The following USP34 variants were observed in gnomAD, a reference collection of about 807,000 sequenced individuals.
The protein encoded by USP34 is ubiquitin specific peptidase 34, also known as ubiquitin carboxyl-terminal hydrolase 34.
A neutral mutation model predicts 460.3 loss-of-function variants in USP34; 70 were observed. The ratio of observed to expected loss-of-function variants is 0.15; its 90% CI spans 0.13 to 0.19. The LOEUF (loss-of-function observed/expected upper bound fraction) is 0.19. Ranked by LOEUF, USP34 falls within the 10% of genes least tolerant of loss-of-function variation. The pLI, the probability that USP34 is intolerant of heterozygous loss-of-function variation, is 1.00. For synonymous variants in USP34, 1,647 were observed against 1,405.3 expected (o/e 1.17, Z -3.85); for missense variants, 3,985 against 4,236.2 (o/e 0.94, Z 1.65).
chr2:61,422,845 A>G (rs770435406), intron 1 of USP34, among the ~76,000 whole-genome samples: 6 of 152,114 alleles, frequency 3.9e-5, no homozygotes, highest in Non-Finnish European at 8.8e-5. Flanking sequence ...CGAAAAATAT[A>G]AACAATTAGC....
intron 21 of USP34, among the ~76,000 whole-genome samples, chr2:61,321,916 A>G (rs1310370602): frequency 1.3e-5 from 2 of 152,192 alleles, no homozygotes; most frequent in Non-Finnish European, 2.9e-5. Context: ...TAAATAAGTA[A>G]GCATTATTTT....
At chr2:61,442,249 A>G (rs1573045991) in intron 1 of USP34, among the ~76,000 whole-genome samples, 1 of 152,288 alleles carries the variant, frequency 6.6e-6, no homozygotes, top group Non-Finnish European at 1.5e-5. Context: ...ACAAACAACA[A>G]ATGGAATTAT....
At chr2:61,332,473 A>G (rs1218156857) in intron 19 of USP34, among the ~76,000 whole-genome samples, 1 of 152,008 alleles carries the variant, frequency 6.6e-6, no homozygotes, top group Non-Finnish European at 1.5e-5. Context: ...TCAACTCAAT[A>G]TATTTAGGTT....
chr2:61,386,657 G>A (rs1346148623), intron 5 of USP34, among the ~76,000 whole-genome samples: 1 of 152,064 alleles, frequency 6.6e-6, no homozygotes. Flanking sequence ...GGGCGTGGTG[G>A]CAAGTGCCTG....
At chr2:61,280,453 A>G (rs544226964) in intron 38 of USP34, 105 bp from the exon 39 acceptor site, 29 of 495,874 alleles carry the variant, frequency 5.8e-5, no homozygotes, top group African/African-American at 4.8e-4. Context: ...TATATCCACT[A>G]AACAGTATTC....
intron 2 of USP34, among the ~76,000 whole-genome samples, chr2:61,415,555 G>C (rs1262383367): frequency 1.3e-5 from 2 of 152,184 alleles, no homozygotes; most frequent in African/African-American, 4.8e-5. Flanking sequence ...AAAATTGATA[G>C]ATGAAGCAAC....
intron 1 of USP34, among the ~76,000 whole-genome samples, chr2:61,441,802 C>CAAAAAAAAAAAAAAAA (rs70963429): frequency 3.1e-5 from 3 of 97,332 alleles, no homozygotes; most frequent in African/African-American, 7.8e-5. Flanking sequence ...GACTGCATTA[C>CAAAAAAAAAAAAAAAA]AAAAAAAAAA....
rs750270096 is a variant in USP34, at chr2:61,227,160, A to G, written c.7502T>C (p.Ile2501Thr). ...GTATTTTTCTTCTGCCAGAGAGAGG[A>G]TATCTTCTTCCTCCTCTTCTTCTTC... The part of the protein sequence containing the change: ...EGEEEEEEED[I>T]LSLAEEKYRP... Residue 2501 changes from isoleucine (I) to threonine (T), a missense_variant, in exon 62 of 80, where the codon ATC becomes ACC. Around this residue, in one of 14 missense-constraint regions of USP34, gnomAD observed 604 missense variants for 684.8 expected, o/e 0.88. Coordinates refer to ENST00000398571, the MANE Select transcript of USP34 (RefSeq NM_014709.4). 1.7e-5 allele frequency: 27 copies of G among 1,613,922 alleles called. No homozygotes were observed. The highest frequency in any genetic ancestry group is 3.3e-5 in the South Asian group (3 of 91,054).
intron 20 of USP34, among the ~76,000 whole-genome samples, chr2:61,327,666 G>T (rs980024507): frequency 3.3e-5 from 5 of 152,134 alleles, no homozygotes; most frequent in African/African-American, 1.2e-4. Flanking sequence ...TAATAACCCT[G>T]AAGGCATGGG....
At chr2:61,281,626 A>G in intron 37 of USP34, among the ~76,000 whole-genome samples, 1 of 152,332 alleles carries the variant, frequency 6.6e-6, no homozygotes, top group East Asian at 1.9e-4. Flanking sequence ...ATTAATAAAT[A>G]TAATGTTCTA....
intron 57 of USP34, among the ~76,000 whole-genome samples, chr2:61,233,884 T>C (rs923855804): frequency 1.3e-5 from 2 of 151,940 alleles, no homozygotes; most frequent in Non-Finnish European, 2.9e-5. Context: ...AAGTCACTTC[T>C]AATATTACTG....
intron 1 of USP34, among the ~76,000 whole-genome samples, chr2:61,427,886 G>C (rs1694557176): frequency 6.6e-6 from 1 of 152,110 alleles, no homozygotes; most frequent in African/African-American, 2.4e-5. Flanking sequence ...TTGGTGGCCA[G>C]GCACAGTGGC....
At chr2:61,225,510 A>G (rs1687701596) in intron 62 of USP34, among the ~76,000 whole-genome samples, 1 of 152,048 alleles carries the variant, frequency 6.6e-6, no homozygotes. Flanking sequence ...ATATGATACC[A>G]AAGTTAAATT....
intron 48 of USP34, among the ~76,000 whole-genome samples, chr2:61,249,103 G>A (rs1395221179): frequency 6.6e-6 from 1 of 151,954 alleles, no homozygotes; most frequent in African/African-American, 2.4e-5. Context: ...TAATAAAATA[G>A]AACAATTCTA....
chr2:61,228,609 C>G, intron 61 of USP34, 36 bp downstream of exon 61: 1 of 1,570,008 alleles, frequency 6.4e-7, no homozygotes, highest in African/African-American at 1.4e-5. Flanking sequence ...AAAACCAGAG[C>G]CTCTAATACC....
intron 1 of USP34, among the ~76,000 whole-genome samples, chr2:61,449,969 G>A (rs148925581): frequency 1.3e-5 from 2 of 152,294 alleles, no homozygotes; most frequent in African/African-American, 4.8e-5. Context: ...GGGAGGCTGA[G>A]GCTGGAGAAT....
chr2:61,415,154 C>T (rs906386562), intron 2 of USP34, among the ~76,000 whole-genome samples: 1 of 151,938 alleles, frequency 6.6e-6, no homozygotes, highest in African/African-American at 2.4e-5. Context: ...GCCTCCAGAC[C>T]CTAAGGTTCT....
intron 2 of USP34, chr2:61,417,089 G>T: frequency 6.9e-7 from 1 of 1,441,266 alleles, no homozygotes; most frequent in Non-Finnish European, 9.6e-7. Context: ...TCAATCACAT[G>T]CGCCTTGTTC....
At chr2:61,448,087 T>A (rs1695170114) in intron 1 of USP34, among the ~76,000 whole-genome samples, 1 of 152,224 alleles carries the variant, frequency 6.6e-6, no homozygotes, top group South Asian at 2.1e-4. Context: ...GAATACAACA[T>A]CTACTTAATG....
Sources: gnomAD v4.1 joint callset for allele counts (sites outside exome capture counted in the v4.1 genomes callset) on GRCh38, gnomAD v4.1.1 for gene constraint, gnomAD v4.1.1 regional missense constraint, MANE v1.5 for transcripts, NCBI Gene and HGNC (gene_info 2026-07-23, HGNC 2026-07-21) for gene names.